KIF1B: variants seen among roughly 807,000 people sequenced by gnomAD.
The protein encoded by KIF1B is kinesin-like protein KIF1B.
Under a neutral mutation model 241.9 loss-of-function variants are expected in KIF1B, and 76 were observed. The ratio of observed to expected loss-of-function variants is 0.31; its 90% CI spans 0.26 to 0.38. KIF1B has a LOEUF of 0.38. KIF1B is among the 10% of genes least tolerant of loss of function. The pLI is 1.00. For synonymous variants in KIF1B, 750 were observed against 796.7 expected, an observed-to-expected ratio of 0.94 and a Z score of 0.99; for missense variants, 1,622 against 2,271.4, an observed-to-expected ratio of 0.71 and a Z score of 5.81.
chr1:10,274,347 AT>A lies in KIF1B; in HGVS notation c.883-1073del, dbSNP rs1426683130. On this transcript the variant is annotated intron_variant, in intron 10 of 48. Transcript: ENST00000676179. ...TTAATTTTTACTTTTAGAGAATATA[AT>A]TTTTTTTCATTTAAGCACTGCCTTT... Among the ~76,000 whole-genome samples the A allele has an allele frequency of 5.9e-5, 9 of 151,940 alleles. 1 individual carries two copies. Among genetic ancestry groups the A allele is most frequent in the African/African-American group, 1.7e-4 (7 of 41,352 alleles).
chr1:10,352,751 G>A lies in KIF1B; in HGVS notation c.4055+15G>A. 7 of 1,589,798 alleles carry A rather than the reference G, an allele frequency of 4.4e-6. No homozygotes were observed. Among genetic ancestry groups the A allele is most frequent in the Non-Finnish European group, 6.0e-6 (7 of 1,158,234 alleles). On this transcript the variant is annotated intron_variant, in intron 38 of 48. Coordinates refer to ENST00000676179, the MANE Select transcript of KIF1B (RefSeq NM_001365951.3). ...AACTCTAGCAGGTGGGACACCCAGA[G>A]CAGTGTGAAGAAGTCCACACTTGCA...
At chr1:10,305,812 A>G in intron 22 of KIF1B, 2 of 1,053,624 alleles carry the variant, frequency 1.9e-6, no homozygotes, top group African/African-American at 1.7e-5. Flanking sequence ...GAAGAAAAGA[A>G]TTATTTTCTA....
At chr1:10,275,560 G>A in intron 11 of KIF1B, 57 bp downstream of exon 11, 1 of 976,896 alleles carries the variant, frequency 1.0e-6, no homozygotes, top group Non-Finnish European at 1.7e-6. Context: ...ATCTTTTGTG[G>A]TTAATTGTCC....
chr1:10,376,434 C>T lies in KIF1B; in HGVS notation c.5409-111C>T, dbSNP rs558681215. The stretch of plus-strand genomic sequence containing the variant: ...TAGACGGCTTAGAGGACTAGGCCTG[C>T]GGTGCCAAATAGGAAGATGCTCCAG... On this transcript the variant is annotated intron_variant, in intron 48 of 48. Coordinates refer to ENST00000676179, the MANE Select transcript of KIF1B (RefSeq NM_001365951.3). 1.1e-4 allele frequency: 115 copies of T among 1,044,370 alleles called. No individual in the cohort carries two copies. In the Middle Eastern group the frequency reaches 3.0e-3, roughly 27 times the overall value. The allele number at this position is 1,044,370 out of a possible 1,614,324, so 64.7% of individuals were successfully genotyped here.
intron 22 of KIF1B, chr1:10,304,148 T>A (rs1398298563): frequency 3.7e-6 from 6 of 1,613,962 alleles, no homozygotes; most frequent in Non-Finnish European, 1.7e-6. Flanking sequence ...GTTATAGAGC[T>A]TAGGATTCCA....
intron 27 of KIF1B, among the ~76,000 whole-genome samples, chr1:10,333,201 A>C (rs1456905407): frequency 1.5e-5 from 2 of 134,646 alleles, no homozygotes; most frequent in African/African-American, 2.8e-5. Flanking sequence ...CGAGGCGGGC[A>C]GATCACCTGA....
In KIF1B at chr1:10,326,929, A is replaced by G. The variant is rs1338673501; in HGVS notation, c.2924+570A>G. 6.6e-6 allele frequency among the ~76,000 whole-genome samples: 1 copy of G among 152,140 alleles called. No homozygotes were observed. Among genetic ancestry groups the G allele is most frequent in the African/African-American group, 2.4e-5 (1 of 41,424 alleles). ...AAGTTAAGCTTCTCCTTTACCTAAAACGGATGCCTGTCTTTGGCCAGTTTC... is the reference window on the plus strand; with the variant it reads ...AAGTTAAGCTTCTCCTTTACCTAAAGCGGATGCCTGTCTTTGGCCAGTTTC... On this transcript the variant is annotated intron_variant, in intron 27 of 48. Transcript: ENST00000676179. This position sits in a 1 kb window ranked among gnomAD's most constrained non-coding sequence, Gnocchi z 5.2.
intron 14 of KIF1B, 87 bp downstream of exon 14, chr1:10,279,225 C>G: frequency 2.4e-6 from 2 of 830,404 alleles, no homozygotes; most frequent in Non-Finnish European, 3.9e-6. Context: ...GCTTTGCATG[C>G]TGGCAATCCT....
intron 27 of KIF1B, among the ~76,000 whole-genome samples, chr1:10,331,172 C>T (rs72865999): frequency 0.035 from 5,253 of 151,826 alleles, 113 homozygotes; most frequent in Middle Eastern, 0.13. Context: ...GGGACATGTG[C>T]GATGGCTCTT....
rs972823764 is a variant in KIF1B at position 10,258,806 on chromosome 1, T to C, written c.363+134T>C. Reference sequence around the variant, plus strand: ...GTCAGGCACAAAGATGAACAACCCATTATTTTCCCTCAGAGGAGCTCACAA... The same window carrying C: ...GTCAGGCACAAAGATGAACAACCCACTATTTTCCCTCAGAGGAGCTCACAA... On this transcript the variant is annotated intron_variant, in intron 4 of 48. Coordinates refer to ENST00000676179, the MANE Select transcript of KIF1B (RefSeq NM_001365951.3). 2.0e-5 allele frequency: 18 copies of C among 882,300 alleles called. 1 individual carries two copies. Among genetic ancestry groups the C allele is most frequent in the African/African-American group, 1.2e-4 (7 of 60,360 alleles). 54.7% of individuals were successfully genotyped at this position (882,300 alleles called of 1,614,324 possible).
intron 4 of KIF1B, among the ~76,000 whole-genome samples, 160 bp downstream of exon 4, chr1:10,258,832 T>C (rs1404568473): frequency 1.3e-5 from 2 of 152,198 alleles, no homozygotes; most frequent in Non-Finnish European, 2.9e-5. Context: ...GAGCTCACAA[T>C]TGAATGGGAA....
chr1:10,228,837 A>G (rs531390638), intron 1 of KIF1B, among the ~76,000 whole-genome samples: 2 of 152,234 alleles, frequency 1.3e-5, no homozygotes, highest in African/African-American at 4.8e-5. Flanking sequence ...ATATCTTAGA[A>G]GTTTCCATAT....
intron 2 of KIF1B, among the ~76,000 whole-genome samples, chr1:10,247,298 T>A (rs184952685): frequency 6.6e-6 from 1 of 152,342 alleles, no homozygotes; most frequent in East Asian, 1.9e-4. Flanking sequence ...GGTCTTGCTG[T>A]TCCTTAAATT....
chr1:10,297,402 C>T (rs1277238302), intron 22 of KIF1B, among the ~76,000 whole-genome samples, 156 bp downstream of exon 22: 1 of 152,096 alleles, frequency 6.6e-6, no homozygotes, highest in African/African-American at 2.4e-5. Context: ...CTTAAATCTC[C>T]CGGTAGCCTT....
At chr1:10,224,338 G>A (rs554961078) in intron 1 of KIF1B, among the ~76,000 whole-genome samples, 11 of 151,990 alleles carry the variant, frequency 7.2e-5, no homozygotes, top group South Asian at 4.1e-4. Flanking sequence ...GGATGGTCTC[G>A]ATTTCCTGAC....
At chr1:10,357,591 G>A (rs1055232358) in intron 38 of KIF1B, among the ~76,000 whole-genome samples, 2 of 152,162 alleles carry the variant, frequency 1.3e-5, no homozygotes, top group Non-Finnish European at 2.9e-5. Flanking sequence ...TAATTAGCCG[G>A]GTGTGGTGGC....
intron 21 of KIF1B, 23 bp downstream of exon 21, chr1:10,297,100 A>G (rs767242542): frequency 6.2e-7 from 1 of 1,613,602 alleles, no homozygotes; most frequent in South Asian, 1.1e-5. Context: ...TACGCAGCCC[A>G]TATGACTGTT....
intron 24 of KIF1B, among the ~76,000 whole-genome samples, chr1:10,322,080 T>C (rs956232587): frequency 2.6e-5 from 4 of 152,254 alleles, no homozygotes; most frequent in Non-Finnish European, 4.4e-5. Flanking sequence ...TTCTAGCTTA[T>C]TTTACAAATA....
At chr1:10,216,979 T>TTTTTTTTTTTTTG (rs1646777003) in intron 1 of KIF1B, among the ~76,000 whole-genome samples, 1 of 117,632 alleles carries the variant, frequency 8.5e-6, no homozygotes, top group African/African-American at 3.6e-5. Context: ...TTTTTTTTTT[T>TTTTTTTTTTTTTG]TTTTTTTTTT....
Sources: gnomAD v4.1 joint callset for allele counts (sites outside exome capture counted in the v4.1 genomes callset) on GRCh38, gnomAD v4.1.1 for gene constraint, Gnocchi (gnomAD v3.1) non-coding constraint, MANE v1.5 for transcripts, NCBI Gene and HGNC (gene_info 2026-07-23, HGNC 2026-07-21) for gene names.